CHCHD6: variants seen among roughly 807,000 people sequenced by gnomAD.
The protein encoded by CHCHD6 is coiled-coil-helix-coiled-coil-helix domain containing 6.
A neutral mutation model predicts 32.3 loss-of-function variants in CHCHD6; 28 were observed. That is an observed-to-expected ratio of 0.87 (90% CI 0.64 to 1.19). The LOEUF is 1.19. CHCHD6 is among the 50% of genes most tolerant of loss of function. The pLI is 0.00. For synonymous variants in CHCHD6, 122 were observed against 117.5 expected (o/e 1.04, Z -0.25); for missense variants, 333 against 307.0 (o/e 1.08, Z -0.63).
chr3:126,764,106 G>T (rs1937261428), intron 4 of CHCHD6, among the ~76,000 whole-genome samples: 1 of 147,768 alleles, frequency 6.8e-6, no homozygotes, highest in African/African-American at 2.5e-5. Flanking sequence ...TAATTTTTTT[G>T]TTTTCTAGAC....
chr3:126,904,548 CTG>C (rs369456426), intron 5 of CHCHD6, among the ~76,000 whole-genome samples: 11 of 152,088 alleles, frequency 7.2e-5, no homozygotes, highest in Non-Finnish European at 1.3e-4. Flanking sequence ...TTTGCAAAGT[CTG>C]TGTGTGTGTG....
chr3:126,867,282 G>A (rs1380961595), intron 5 of CHCHD6, among the ~76,000 whole-genome samples: 1 of 152,186 alleles, frequency 6.6e-6, no homozygotes, highest in African/African-American at 2.4e-5. Flanking sequence ...ATTGTTGCTA[G>A]GGTCCTTTTA....
intron 4 of CHCHD6, among the ~76,000 whole-genome samples, chr3:126,844,898 GA>G (rs1941241141): frequency 2.0e-5 from 3 of 152,164 alleles, no homozygotes; most frequent in Admixed American, 2.0e-4. Flanking sequence ...AAGTCAGTGT[GA>G]TGTGAGGCCA....
intron 6 of CHCHD6, among the ~76,000 whole-genome samples, chr3:126,926,907 T>C (rs2078332332): frequency 6.6e-6 from 1 of 152,104 alleles, no homozygotes; most frequent in African/African-American, 2.4e-5. Context: ...CCGGCACTGT[T>C]CTGGGAATAC....
At chr3:126,812,591 ATT>A (rs917254060) in intron 4 of CHCHD6, among the ~76,000 whole-genome samples, 2 of 142,488 alleles carry the variant, frequency 1.4e-5, no homozygotes, top group African/African-American at 2.6e-5. Flanking sequence ...TACCCAGCTA[ATT>A]TTTTTTTTTT....
At chr3:126,801,460 T>C (rs1005565067) in intron 4 of CHCHD6, among the ~76,000 whole-genome samples, 27 of 152,194 alleles carry the variant, frequency 1.8e-4, no homozygotes, top group Non-Finnish European at 5.9e-5. Flanking sequence ...TGCTGATTGC[T>C]AGCACAGCAG....
intron 3 of CHCHD6, among the ~76,000 whole-genome samples, chr3:126,732,511 C>T (rs1183091670): frequency 1.3e-5 from 2 of 152,126 alleles, no homozygotes; most frequent in African/African-American, 4.8e-5. Context: ...TATGATCACA[C>T]CATATTTTCT....
chr3:126,730,505 G>A, intron 2 of CHCHD6, 56 bp from the exon 3 acceptor site: 1 of 1,479,534 alleles, frequency 6.8e-7, no homozygotes, highest in Non-Finnish European at 9.4e-7. Context: ...TGACCTCTGT[G>A]ACTTCGTGGA....
At chr3:126,922,364 G>A (rs1213265094) in intron 6 of CHCHD6, among the ~76,000 whole-genome samples, 2 of 152,178 alleles carry the variant, frequency 1.3e-5, no homozygotes, top group Non-Finnish European at 2.9e-5. Context: ...CAGGGACGAT[G>A]GTGGTGCCTA....
intron 5 of CHCHD6, among the ~76,000 whole-genome samples, chr3:126,855,803 T>G (rs990742010): frequency 1.3e-5 from 2 of 152,070 alleles, no homozygotes. Flanking sequence ...GTTTGAGAGC[T>G]CAAACAAGAG....
chr3:126,704,318 G>A lies in CHCHD6; in HGVS notation c.6G>A (p.Gly2=). M[G]STESSEGRRV... is the part of the protein sequence containing the mutation. ...CGGCCCTGCGGCATCTCGCCATGGG[G>A]AGCACGGAGAGCAGCGAGGGCCGCA... Residue 2 remains glycine, a synonymous_variant, in exon 1 of 8, where the codon GGG becomes GGA. Transcript: ENST00000290913. 1 of 1,603,894 alleles carries A rather than the reference G, an allele frequency of 6.2e-7. No homozygotes were observed. The highest frequency in any genetic ancestry group is 1.1e-5 in the South Asian group (1 of 89,812).
chr3:126,906,620 G>A (rs1002243750), intron 5 of CHCHD6, among the ~76,000 whole-genome samples: 2 of 152,152 alleles, frequency 1.3e-5, no homozygotes, highest in African/African-American at 2.4e-5. Flanking sequence ...GCCGGGGGTC[G>A]GGGAGGGATG....
At chr3:126,717,524 C>G (rs977933807) in intron 1 of CHCHD6, among the ~76,000 whole-genome samples, 1 of 152,148 alleles carries the variant, frequency 6.6e-6, no homozygotes, top group Admixed American at 6.5e-5. Context: ...GTCCTGGCTA[C>G]TCAGGAGGCT....
intron 4 of CHCHD6, among the ~76,000 whole-genome samples, chr3:126,754,972 A>G (rs1455184442): frequency 1.3e-5 from 2 of 152,160 alleles, no homozygotes; most frequent in South Asian, 2.1e-4. Flanking sequence ...ATTGGGGGCA[A>G]TGAGTTGTCA....
At chr3:126,730,737 A>G in intron 3 of CHCHD6, 107 bp downstream of exon 3, 1 of 858,114 alleles carries the variant, frequency 1.2e-6, no homozygotes, top group South Asian at 1.6e-5. Context: ...TTTGTCTCAC[A>G]TAATTAATCT....
At chr3:126,751,878 C>T (rs972460837) in intron 4 of CHCHD6, among the ~76,000 whole-genome samples, 1 of 152,220 alleles carries the variant, frequency 6.6e-6, no homozygotes. Flanking sequence ...GTGCACAGCA[C>T]ATGGAATGTG....
At chr3:126,959,655 A>C (rs2078832267) in intron 7 of CHCHD6, among the ~76,000 whole-genome samples, 1 of 152,186 alleles carries the variant, frequency 6.6e-6, no homozygotes, top group African/African-American at 2.4e-5. Flanking sequence ...TAGGGCAGGT[A>C]GGTGATGCCT....
chr3:126,925,668 C>T (rs2078313354), intron 6 of CHCHD6, among the ~76,000 whole-genome samples: 1 of 152,152 alleles, frequency 6.6e-6, no homozygotes, highest in South Asian at 2.1e-4. Flanking sequence ...CACCATGCTT[C>T]TCCTAGGAAG....
At chr3:126,826,701 A>G (rs915949242) in intron 4 of CHCHD6, among the ~76,000 whole-genome samples, 4 of 152,200 alleles carry the variant, frequency 2.6e-5, no homozygotes, top group African/African-American at 9.6e-5. Context: ...CTAATAATAA[A>G]AGTGGAGACT....
Sources: gnomAD v4.1 joint callset for allele counts (sites outside exome capture counted in the v4.1 genomes callset) on GRCh38, gnomAD v4.1.1 for gene constraint, MANE v1.5 for transcripts, NCBI Gene and HGNC (gene_info 2026-07-23, HGNC 2026-07-21) for gene names.